Variants in CTNNA3 observed in about 807,000 individuals in gnomAD.
CTNNA3 encodes the protein catenin alpha 3.
In CTNNA3, 76 loss-of-function variants were observed where a neutral mutation model predicts 95.7. The ratio of observed to expected loss-of-function variants is 0.79; its 90% CI spans 0.66 to 0.96. CTNNA3 has a LOEUF of 0.96. Among genes scored for constraint, CTNNA3 ranks in the 40% least tolerant of loss-of-function variants. CTNNA3 has a pLI of 0.00. For missense variants in CTNNA3, 1,191 were observed against 1,089.8 expected, an observed-to-expected ratio of 1.09 and a Z score of -1.31; for synonymous variants, 431 against 374.4, an observed-to-expected ratio of 1.15 and a Z score of -1.74.
chr10:67,699,844 C>T (rs952734216), upstream of CTNNA3, among the ~76,000 whole-genome samples: 8 of 152,342 alleles, frequency 5.3e-5, no homozygotes, highest in South Asian at 2.1e-4. Flanking sequence ...GAAAGAACAA[C>T]GGGTCGGGGA....
chr10:66,682,041 G>A (rs1847084495), intron 9 of CTNNA3, among the ~76,000 whole-genome samples: 1 of 152,196 alleles, frequency 6.6e-6, no homozygotes, highest in South Asian at 2.1e-4. Context: ...TGTAGTGAGT[G>A]TCAGTAGCAC....
intron 5 of CTNNA3, among the ~76,000 whole-genome samples, chr10:67,486,742 G>A (rs1282440769): frequency 6.6e-6 from 1 of 152,088 alleles, no homozygotes; most frequent in African/African-American, 2.4e-5. Context: ...CTCTGATTTT[G>A]TTCTACATTT....
At chr10:67,169,120 G>C (rs1290264485) in intron 7 of CTNNA3, among the ~76,000 whole-genome samples, 1 of 152,202 alleles carries the variant, frequency 6.6e-6, no homozygotes, top group East Asian at 1.9e-4. Flanking sequence ...ACAAAATGCT[G>C]CTCAAAGAAA....
At chr10:67,562,309 T>A (rs1346440637) in intron 3 of CTNNA3, among the ~76,000 whole-genome samples, 1 of 152,166 alleles carries the variant, frequency 6.6e-6, no homozygotes, top group Non-Finnish European at 1.5e-5. Flanking sequence ...GTGGGCTTCA[T>A]CGCTGGGATG....
In CTNNA3 at chr10:66,751,919, A is replaced by C. The variant is rs1451833114; in HGVS notation, c.1281+14345T>G. On this transcript the variant is annotated intron_variant, in intron 9 of 17. Transcript: ENST00000433211. ...CAATTAAAAATGTTTGAATGCTAAAAACTGCAAAACATTGATTTAAAAAAT... is the reference window on the plus strand; with the variant it reads ...CAATTAAAAATGTTTGAATGCTAAACACTGCAAAACATTGATTTAAAAAAT... Among the ~76,000 whole-genome samples, 13 of 152,186 alleles carry C rather than the reference A, an allele frequency of 8.5e-5. 1 individual carries two copies. Among genetic ancestry groups the C allele is most frequent in the Non-Finnish European group, 1.6e-4 (11 of 68,016 alleles).
chr10:67,054,791 C>A (rs1472718448), intron 7 of CTNNA3: 1 of 152,054 alleles, frequency 6.6e-6, no homozygotes, highest in East Asian at 1.9e-4. Flanking sequence ...TTAATGGTAC[C>A]AACTCAGTAA....
intron 13 of CTNNA3, among the ~76,000 whole-genome samples, chr10:66,155,981 C>T (rs1305160391): frequency 4.0e-5 from 6 of 151,806 alleles, no homozygotes; most frequent in Non-Finnish European, 2.9e-5. Flanking sequence ...GACACTTTAT[C>T]AAAGAATATA....
chr10:67,133,876 G>A (rs531375765), intron 7 of CTNNA3, among the ~76,000 whole-genome samples: 1 of 152,152 alleles, frequency 6.6e-6, no homozygotes, highest in Non-Finnish European at 1.5e-5. Context: ...GAGAGACAAG[G>A]TCTTGCTATA....
chr10:65,974,890 T>C (rs1484143539), intron 16 of CTNNA3, among the ~76,000 whole-genome samples: 1 of 152,186 alleles, frequency 6.6e-6, no homozygotes, highest in East Asian at 1.9e-4. Context: ...ATATTTCTTC[T>C]ATAACTATAA....
intron 7 of CTNNA3, among the ~76,000 whole-genome samples, chr10:67,179,339 C>G (rs1004374826): frequency 4.0e-5 from 6 of 151,140 alleles, no homozygotes; most frequent in African/African-American, 1.5e-4. Context: ...TAAATATTAC[C>G]AAGATTTGAG....
chr10:67,311,619 C>T (rs1172062520), intron 5 of CTNNA3, among the ~76,000 whole-genome samples: 1 of 152,040 alleles, frequency 6.6e-6, no homozygotes, highest in Admixed American at 6.5e-5. Flanking sequence ...TTATTGTATT[C>T]AAATCATACC....
At chr10:66,619,765 G>A (rs930142064) in intron 10 of CTNNA3, among the ~76,000 whole-genome samples, 13 of 151,386 alleles carry the variant, frequency 8.6e-5, no homozygotes, top group African/African-American at 3.1e-4. Context: ...TGTCCATATG[G>A]CCATATGTGA....
At chr10:66,036,084 A>C (rs1415132811) in intron 15 of CTNNA3, among the ~76,000 whole-genome samples, 3 of 152,166 alleles carry the variant, frequency 2.0e-5, no homozygotes, top group African/African-American at 7.2e-5. Flanking sequence ...GTCAAAAATA[A>C]ATATCTCTTT....
intron 10 of CTNNA3, among the ~76,000 whole-genome samples, chr10:66,537,065 C>T (rs1841685488): frequency 6.6e-6 from 1 of 151,484 alleles, no homozygotes; most frequent in Non-Finnish European, 1.5e-5. Context: ...AAAAAAAAGA[C>T]TTACATAAAA....
intron 12 of CTNNA3, among the ~76,000 whole-genome samples, chr10:66,295,444 G>T (rs555577518): frequency 1.3e-5 from 2 of 152,248 alleles, no homozygotes; most frequent in South Asian, 4.1e-4. Flanking sequence ...GTATTTCCCT[G>T]ATAAGAAAAT....
intron 7 of CTNNA3, among the ~76,000 whole-genome samples, chr10:67,159,535 T>C (rs1861447531): frequency 1.3e-5 from 2 of 152,160 alleles, no homozygotes; most frequent in Admixed American, 1.3e-4. Flanking sequence ...ATTTATCAAT[T>C]AAAAATGAAA....
At chr10:66,235,089 C>T (rs796742807) in intron 13 of CTNNA3, among the ~76,000 whole-genome samples, 3 of 152,190 alleles carry the variant, frequency 2.0e-5, no homozygotes, top group Non-Finnish European at 4.4e-5. Flanking sequence ...TAGACAGCAG[C>T]CCTAGCTGAC....
At chr10:66,475,672 C>A (rs1839298977) in intron 11 of CTNNA3, among the ~76,000 whole-genome samples, 1 of 152,076 alleles carries the variant, frequency 6.6e-6, no homozygotes, top group Non-Finnish European at 1.5e-5. Flanking sequence ...GATATCGTCT[C>A]ACGCCAGTCA....
intron 1 of CTNNA3, among the ~76,000 whole-genome samples, chr10:67,717,227 A>C (rs1189546055): frequency 6.6e-6 from 1 of 152,164 alleles, no homozygotes; most frequent in Non-Finnish European, 1.5e-5. Context: ...GCCCTTTGTC[A>C]GATGGATAGA....
Sources: gnomAD v4.1 joint callset for allele counts (sites outside exome capture counted in the v4.1 genomes callset) on GRCh38, gnomAD v4.1.1 for gene constraint, MANE v1.5 for transcripts, NCBI Gene and HGNC (gene_info 2026-07-23, HGNC 2026-07-21) for gene names.